EEA1: variants seen among roughly 807,000 people sequenced by gnomAD.
EEA1 encodes the protein early endosome antigen 1.
Under a neutral mutation model 209.2 loss-of-function variants are expected in EEA1, and 111 were observed. The observed-to-expected ratio is 0.53, with a 90% CI of 0.45 to 0.62. The LOEUF (loss-of-function observed/expected upper bound fraction) is 0.62. Ranked by LOEUF, EEA1 falls within the 20% of genes least tolerant of loss-of-function variation. The pLI, the probability that EEA1 is intolerant of heterozygous loss-of-function variation, is 0.00. For missense variants in EEA1, 1,343 were observed against 1,530.8 expected (o/e 0.88, Z 2.05); for synonymous variants, 536 against 540.6 (o/e 0.99, Z 0.12).
intron 12 of EEA1, among the ~76,000 whole-genome samples, chr12:92,827,504 T>C (rs1207220887): frequency 2.0e-5 from 3 of 152,254 alleles, no homozygotes; most frequent in African/African-American, 7.2e-5. Flanking sequence ...CATTCAAATA[T>C]ATGCTTAATT....
intron 11 of EEA1, among the ~76,000 whole-genome samples, chr12:92,831,816 T>G (rs1476274197): frequency 6.6e-6 from 1 of 151,694 alleles, no homozygotes; most frequent in East Asian, 1.9e-4. Flanking sequence ...CCGGGCGCGG[T>G]GGCTCACGCC....
rs1217187739 is a variant in EEA1, at chr12:92,847,162, GT to G, written c.798+3948del. On this transcript the variant is annotated intron_variant, in intron 9 of 28. Transcript: ENST00000322349. The stretch of plus-strand genomic sequence containing the variant: ...GTAGAGACAGGGTTTCACTGTGTTG[GT>G]CATGCTAGTCTTGTACTCCTGACCT... Among the ~76,000 whole-genome samples, 3 of 152,174 alleles carry G rather than the reference GT, an allele frequency of 2.0e-5. No individual in the cohort carries two copies. In the East Asian group the frequency reaches 5.8e-4, roughly 29 times the overall value.
At chr12:92,832,247 C>A (rs1876685158) in intron 11 of EEA1, among the ~76,000 whole-genome samples, 1 of 151,954 alleles carries the variant, frequency 6.6e-6, no homozygotes, top group African/African-American at 2.4e-5. Context: ...CCTACACGCC[C>A]CAGGTACCAT....
intron 1 of EEA1, among the ~76,000 whole-genome samples, chr12:92,894,472 A>G (rs1421205446): frequency 6.6e-6 from 1 of 152,012 alleles, no homozygotes; most frequent in African/African-American, 2.4e-5. Flanking sequence ...ATGTGAATGC[A>G]AAGAAAAAGT....
chr12:92,848,829 C>T (rs936780445), intron 9 of EEA1, among the ~76,000 whole-genome samples: 1 of 140,670 alleles, frequency 7.1e-6, no homozygotes, highest in Admixed American at 7.7e-5. Context: ...ACCTTTTGGG[C>T]TCAAGCAATC....
At chr12:92,926,679 A>G (rs936441756) in intron 1 of EEA1, among the ~76,000 whole-genome samples, 1 of 152,182 alleles carries the variant, frequency 6.6e-6, no homozygotes, top group Admixed American at 6.5e-5. Flanking sequence ...ACTAATTGCT[A>G]CAGACCATCT....
intron 2 of EEA1, among the ~76,000 whole-genome samples, chr12:92,886,606 G>A (rs1197887451): frequency 3.4e-5 from 3 of 86,984 alleles, no homozygotes; most frequent in African/African-American, 4.6e-5. Context: ...GAAGGGAGGG[G>A]AGGAAAGGGA....
intron 1 of EEA1, among the ~76,000 whole-genome samples, chr12:92,904,249 C>A (rs1880277389): frequency 6.6e-6 from 1 of 152,158 alleles, no homozygotes; most frequent in African/African-American, 2.4e-5. Context: ...GCGTGAGCCA[C>A]CATGCCTGGC....
At chr12:92,909,882 C>T (rs1372359593) in intron 1 of EEA1, among the ~76,000 whole-genome samples, 6 of 152,114 alleles carry the variant, frequency 3.9e-5, no homozygotes, top group Non-Finnish European at 8.8e-5. Context: ...GTGGCTCACG[C>T]CTGTAATCCC....
At position 92,799,122 on chromosome 12, in the gene EEA1, G is replaced by C. The variant is rs372427131; in HGVS notation, c.2773-36C>G. ...AAAAAAATCTATTTAGCCTTCATTT[G>C]TTCATTCAAAAGACGATGTACTGAG... On this transcript the variant is annotated intron_variant, in intron 20 of 28. Transcript: ENST00000322349. 8.0e-6 allele frequency: 12 copies of C among 1,502,994 alleles called. No individual in the cohort carries two copies. The African/African-American group carries it at 1.7e-4, about 21-fold the overall frequency. 93.1% of individuals were successfully genotyped at this position (1,502,994 alleles called of 1,614,324 possible).
At chr12:92,793,488 C>T in intron 21 of EEA1, among the ~76,000 whole-genome samples, 1 of 152,146 alleles carries the variant, frequency 6.6e-6, no homozygotes, top group Non-Finnish European at 1.5e-5. Context: ...ACACTATTAA[C>T]AGACAAACTG....
At chr12:92,921,866 C>CAAAAAAAAAAAAAAAAA (rs756583756) in intron 1 of EEA1, among the ~76,000 whole-genome samples, 4 of 83,446 alleles carry the variant, frequency 4.8e-5, no homozygotes, top group Admixed American at 1.5e-4. Flanking sequence ...GACTCTGTCT[C>CAAAAAAAAAAAAAAAAA]AAAAAAAAAA....
At chr12:92,814,330 G>A (rs948474776) in intron 15 of EEA1, among the ~76,000 whole-genome samples, 13 of 152,048 alleles carry the variant, frequency 8.5e-5, no homozygotes, top group Non-Finnish European at 1.8e-4. Flanking sequence ...ACAACACATA[G>A]TAAATCTATA....
intron 3 of EEA1, among the ~76,000 whole-genome samples, chr12:92,860,592 A>G (rs2136718625): frequency 6.6e-6 from 1 of 152,262 alleles, no homozygotes; most frequent in East Asian, 1.9e-4. Flanking sequence ...ACATGTTTCC[A>G]GCATTCCTAG....
chr12:92,908,268 G>A (rs997897095), intron 1 of EEA1, among the ~76,000 whole-genome samples: 2 of 152,132 alleles, frequency 1.3e-5, no homozygotes, highest in Non-Finnish European at 2.9e-5. Context: ...GAGGTACCTA[G>A]AACAGTTAAA....
chr12:92,839,156 A>G (rs2136698931), intron 10 of EEA1, among the ~76,000 whole-genome samples: 1 of 152,312 alleles, frequency 6.6e-6, no homozygotes, highest in Admixed American at 6.5e-5. Flanking sequence ...GACAAATGTG[A>G]CTGTTTTTAT....
At chr12:92,808,959 T>A (rs1298239046) in intron 18 of EEA1, 58 bp downstream of exon 18, 24 of 1,464,360 alleles carry the variant, frequency 1.6e-5, no homozygotes, top group East Asian at 2.4e-5. Context: ...TGAAGGAAAT[T>A]TTAATACTTA....
intron 14 of EEA1, among the ~76,000 whole-genome samples, chr12:92,818,368 C>T (rs1434661623): frequency 1.3e-5 from 2 of 152,162 alleles, no homozygotes; most frequent in Non-Finnish European, 2.9e-5. Flanking sequence ...CCTGCACTGC[C>T]TATTGTCCAA....
intron 21 of EEA1, among the ~76,000 whole-genome samples, chr12:92,797,002 C>T (rs1874681253): frequency 6.6e-6 from 1 of 152,222 alleles, no homozygotes; most frequent in Non-Finnish European, 1.5e-5. Flanking sequence ...TTGAACATCT[C>T]TAGATTACTT....
Sources: gnomAD v4.1 joint callset for allele counts (sites outside exome capture counted in the v4.1 genomes callset) on GRCh38, gnomAD v4.1.1 for gene constraint, MANE v1.5 for transcripts, NCBI Gene and HGNC (gene_info 2026-07-23, HGNC 2026-07-21) for gene names.